Variants in EIF4G3 observed in about 807,000 individuals in gnomAD.
EIF4G3 encodes eukaryotic translation initiation factor 4 gamma 3, also known as eIF-4-gamma 3.
Under a neutral mutation model 186.4 loss-of-function variants are expected in EIF4G3, and 34 were observed. The observed-to-expected ratio is 0.18, with a 90% confidence interval of 0.14 to 0.24. The LOEUF is 0.24. EIF4G3 is among the 10% of genes least tolerant of loss of function. The pLI is 1.00. For missense variants in EIF4G3, 1,536 were observed against 1,948.5 expected, an observed-to-expected ratio of 0.79 and a Z score of 3.99; for synonymous variants, 673 against 679.5, an observed-to-expected ratio of 0.99 and a Z score of 0.15.
At chr1:21,142,398 T>G (rs12405319) in intron 2 of EIF4G3, among the ~76,000 whole-genome samples, 56,020 of 151,654 alleles carry the variant, frequency 0.37, 10,968 homozygotes, top group Non-Finnish European at 0.43. Flanking sequence ...TCCCAGCTAC[T>G]CAGGAGGCTG....
intron 2 of EIF4G3, among the ~76,000 whole-genome samples, chr1:21,135,655 T>C (rs1344723050): frequency 1.3e-5 from 2 of 152,226 alleles, no homozygotes; most frequent in Non-Finnish European, 2.9e-5. Flanking sequence ...TTAATAACAC[T>C]AGAGTCCTCA....
At chr1:20,927,372 C>A (rs2094979929) in intron 14 of EIF4G3, among the ~76,000 whole-genome samples, 1 of 152,226 alleles carries the variant, frequency 6.6e-6, no homozygotes, top group Non-Finnish European at 1.5e-5. Flanking sequence ...CAAGGCTAAT[C>A]TGGGAGCCTG....
intron 2 of EIF4G3, among the ~76,000 whole-genome samples, chr1:21,134,744 G>T: frequency 6.6e-6 from 1 of 152,164 alleles, no homozygotes; most frequent in East Asian, 1.9e-4. Flanking sequence ...CTTATCTCTG[G>T]TGAAAGAGAG....
chr1:20,981,173 G>T lies in EIF4G3; in HGVS notation c.253C>A (p.Pro85Thr). The change falls in exon 9 of 37, where the codon CCT (proline) becomes ACT (threonine). Residue 85 changes from proline (P) to threonine (T), a missense_variant. Physicochemically the swap from Pro to Thr is conservative, Grantham distance 38 (BLOSUM62 -1). Around this residue, in one of 11 missense-constraint regions of EIF4G3, gnomAD observed 194 missense variants for 212.8 expected, o/e 0.91. Coordinates refer to ENST00000602326, the MANE Select transcript of EIF4G3 (RefSeq NM_001391906.1). Reference sequence around the variant, plus strand: ...GTCTGTGCACCAGGACGAATGGAAGGACTGCTGTTCGGGATGGTAGCTCTA... The same window carrying T: ...GTCTGTGCACCAGGACGAATGGAAGTACTGCTGTTCGGGATGGTAGCTCTA... ...PPRATIPNSSPSIRPGAQTPT... is the reference protein window; with the variant it reads ...PPRATIPNSSTSIRPGAQTPT... 1 of 1,613,788 alleles carries T rather than the reference G, an allele frequency of 6.2e-7. No homozygotes were observed. Among genetic ancestry groups the T allele is most frequent in the Non-Finnish European group, 8.5e-7 (1 of 1,179,890 alleles).
At chr1:20,980,720 G>C (rs2077761168) in intron 9 of EIF4G3, among the ~76,000 whole-genome samples, 1 of 152,162 alleles carries the variant, frequency 6.6e-6, no homozygotes, top group Admixed American at 6.5e-5. Context: ...ATAATCTCAG[G>C]CTAGTAGCTT....
chr1:21,000,140 AC>A (rs1324279559), intron 6 of EIF4G3, among the ~76,000 whole-genome samples: 4 of 151,792 alleles, frequency 2.6e-5, no homozygotes, highest in South Asian at 4.2e-4. Context: ...AAAAAAAAAA[AC>A]AACTACTGCT....
intron 14 of EIF4G3, among the ~76,000 whole-genome samples, chr1:20,912,659 T>G (rs1026372782): frequency 6.6e-6 from 1 of 152,230 alleles, no homozygotes; most frequent in Non-Finnish European, 1.5e-5. Flanking sequence ...AATGGAACTT[T>G]CAGTGAGAGT....
intron 2 of EIF4G3, among the ~76,000 whole-genome samples, chr1:21,155,050 G>A (rs534080496): frequency 6.6e-6 from 1 of 152,050 alleles, no homozygotes; most frequent in African/African-American, 2.4e-5. Context: ...ATTACTTGAG[G>A]TCAGGAGTTC....
At chr1:21,115,895 A>T (rs553125098) in intron 2 of EIF4G3, among the ~76,000 whole-genome samples, 30 of 151,870 alleles carry the variant, frequency 2.0e-4, no homozygotes, top group East Asian at 9.7e-4. Flanking sequence ...ATTTTTTTTT[A>T]AATTTTTTGT....
At position 21,167,036 on chromosome 1, in the gene EIF4G3, G is replaced by A. The variant is rs796845402; in HGVS notation, c.-272+9139C>T. Among the ~76,000 whole-genome samples the A allele has an allele frequency of 2.6e-5, 4 of 152,134 alleles. 1 individual carries two copies. The highest frequency in any genetic ancestry group is 9.6e-5 in the African/African-American group (4 of 41,506). On this transcript the variant is annotated intron_variant, in intron 2 of 36. Transcript: ENST00000602326. The stretch of plus-strand genomic sequence containing the variant: ...AACTCAAGCAATCCACCCACCTTGG[G>A]CTCCTGAAGTGCTGGGATTACAGGC...
chr1:20,996,079 TTTACA>T (rs1339887082), intron 7 of EIF4G3, among the ~76,000 whole-genome samples: 1 of 152,182 alleles, frequency 6.6e-6, no homozygotes, highest in Admixed American at 6.5e-5. Context: ...TAAACACTCT[TTTACA>T]TAAGAAACTA....
At chr1:20,846,315 G>A (rs949230726) in intron 29 of EIF4G3, among the ~76,000 whole-genome samples, 4 of 152,270 alleles carry the variant, frequency 2.6e-5, no homozygotes, top group Admixed American at 2.0e-4. Context: ...CCAGTACTAT[G>A]TTGAATAGGA....
chr1:21,172,915 C>G (rs140181912), intron 2 of EIF4G3, among the ~76,000 whole-genome samples: 1 of 150,920 alleles, frequency 6.6e-6, no homozygotes, highest in Non-Finnish European at 1.5e-5. Context: ...TAGAAGCAGG[C>G]GGATCACAAG....
chr1:21,064,610 T>C (rs2095130621), intron 3 of EIF4G3: 1 of 152,090 alleles, frequency 6.6e-6, no homozygotes, highest in African/African-American at 2.4e-5. Context: ...CTTTCCCAGT[T>C]CAACAGCAAA....
At chr1:20,981,583 A>G (rs571139284) in intron 8 of EIF4G3, among the ~76,000 whole-genome samples, 1 of 139,766 alleles carries the variant, frequency 7.2e-6, no homozygotes, top group Admixed American at 7.2e-5. Context: ...CACATACTGT[A>G]TGTATACATA....
chr1:20,990,097 C>T (rs2154567780), intron 7 of EIF4G3, among the ~76,000 whole-genome samples: 1 of 152,170 alleles, frequency 6.6e-6, no homozygotes, highest in South Asian at 2.1e-4. Context: ...AGAACTGAAC[C>T]CAGGAGGTGG....
intron 34 of EIF4G3, among the ~76,000 whole-genome samples, chr1:20,814,794 TC>T (rs1410498372): frequency 2.0e-5 from 1 of 50,344 alleles, no homozygotes; most frequent in Non-Finnish European, 3.6e-5. Flanking sequence ...CCTCTCCCTC[TC>T]CCCACAGTCT....
At chr1:21,111,627 G>GT (rs2096728386) in intron 2 of EIF4G3, 1 of 261,000 alleles carries the variant, frequency 3.8e-6, no homozygotes, top group South Asian at 4.3e-5. Flanking sequence ...AAGTAGGTCC[G>GT]TGGGAGCATG....
At chr1:21,145,987 CA>C (rs1558176149) in intron 2 of EIF4G3, among the ~76,000 whole-genome samples, 1 of 151,862 alleles carries the variant, frequency 6.6e-6, no homozygotes, top group Admixed American at 6.6e-5. Flanking sequence ...CCTAGCTACA[CA>C]AAAAGCTGAG....
Sources: gnomAD v4.1 joint callset for allele counts (sites outside exome capture counted in the v4.1 genomes callset) on GRCh38, gnomAD v4.1.1 for gene constraint, gnomAD v4.1.1 regional missense constraint, MANE v1.5 for transcripts, NCBI Gene and HGNC (gene_info 2026-07-23, HGNC 2026-07-21) for gene names.